Variants in SMAP1 observed in about 807,000 individuals in gnomAD.
The protein encoded by SMAP1 is small ArfGAP 1.
A neutral mutation model predicts 58.5 loss-of-function variants in SMAP1; 24 were observed. That is an observed-to-expected ratio of 0.41 (90% CI 0.30 to 0.58). SMAP1 has a LOEUF of 0.58. Ranked by LOEUF, SMAP1 falls within the 20% of genes least tolerant of loss-of-function variation. SMAP1 has a pLI of 0.29. For synonymous variants in SMAP1, 216 were observed against 196.6 expected, an observed-to-expected ratio of 1.10 and a Z score of -0.82; for missense variants, 563 against 566.3, an observed-to-expected ratio of 0.99 and a Z score of 0.06.
chr6:70,708,521 A>G (rs1489793299), intron 1 of SMAP1, among the ~76,000 whole-genome samples: 2 of 152,112 alleles, frequency 1.3e-5, no homozygotes, highest in African/African-American at 4.8e-5. Context: ...TTTATTTTTA[A>G]ATTTTTGAAG....
chr6:70,791,003 C>T (rs557412099), intron 4 of SMAP1, among the ~76,000 whole-genome samples: 3 of 152,202 alleles, frequency 2.0e-5, no homozygotes, highest in Admixed American at 1.3e-4. Context: ...AACCCATTTT[C>T]GTGTGTAAAT....
At chr6:70,685,924 A>G (rs769111843) in intron 1 of SMAP1, among the ~76,000 whole-genome samples, 3 of 151,880 alleles carry the variant, frequency 2.0e-5, no homozygotes, top group Middle Eastern at 3.2e-3. Flanking sequence ...TTATTTTTTT[A>G]ACACAGAACC....
At chr6:70,783,481 G>A (rs1395816730) in intron 4 of SMAP1, among the ~76,000 whole-genome samples, 3 of 152,176 alleles carry the variant, frequency 2.0e-5, no homozygotes, top group African/African-American at 7.2e-5. Flanking sequence ...AGAGAAGAAG[G>A]CTTCAGACGA....
intron 4 of SMAP1, 39 bp downstream of exon 4, chr6:70,773,464 C>A: frequency 8.0e-7 from 1 of 1,246,020 alleles, no homozygotes; most frequent in Non-Finnish European, 1.1e-6. Context: ...TGTTTGTTGA[C>A]TAGATTTCAA....
At chr6:70,676,224 A>G (rs558691399) in intron 1 of SMAP1, among the ~76,000 whole-genome samples, 1 of 152,318 alleles carries the variant, frequency 6.6e-6, no homozygotes, top group Admixed American at 6.5e-5. Context: ...CTGTATATTG[A>G]ATCTTTTGAA....
At chr6:70,767,276 C>A (rs554601917) in intron 3 of SMAP1, among the ~76,000 whole-genome samples, 1 of 151,454 alleles carries the variant, frequency 6.6e-6, no homozygotes, top group South Asian at 2.1e-4. Flanking sequence ...TTTTCCAATT[C>A]TGTGAAGAAA....
intron 6 of SMAP1, among the ~76,000 whole-genome samples, chr6:70,800,106 G>A (rs1201834229): frequency 2.0e-5 from 3 of 151,708 alleles, no homozygotes; most frequent in African/African-American, 7.3e-5. Context: ...TGAAAATAAG[G>A]CACGTGTTTT....
intron 3 of SMAP1, among the ~76,000 whole-genome samples, chr6:70,766,862 G>A (rs563076869): frequency 4.3e-4 from 65 of 152,216 alleles, no homozygotes; most frequent in African/African-American, 1.5e-3. Context: ...TTTTCTTCCA[G>A]GGCTTTTATG....
intron 6 of SMAP1, among the ~76,000 whole-genome samples, chr6:70,820,622 C>G (rs1050710446): frequency 1.3e-5 from 2 of 151,956 alleles, no homozygotes; most frequent in South Asian, 4.2e-4. Context: ...AGGGGAATTG[C>G]TGGAACCCAG....
rs371916975 is a variant in SMAP1 at position 70,852,583 on chromosome 6, G to A, written c.708G>A (p.Val236=). The A allele has an allele frequency of 3.1e-6, 5 of 1,609,822 alleles. No homozygotes were observed. The East Asian group carries it at 1.1e-4, about 36-fold the overall frequency. The change falls in exon 8 of 11, where the codon GTG becomes GTA. Residue 236 remains valine, a synonymous_variant. Coordinates refer to ENST00000370455, the MANE Select transcript of SMAP1 (RefSeq NM_001044305.3). ...VAPVTNGNTT[V]PPLNDDLDIF... Reference sequence around the variant, plus strand: ...CAGTGACCAACGGGAACACAACGGTGCCACCCCTGAACGATGATCTGGACA... The same window carrying A: ...CAGTGACCAACGGGAACACAACGGTACCACCCCTGAACGATGATCTGGACA...
At chr6:70,682,669 T>C (rs1277878045) in intron 1 of SMAP1, among the ~76,000 whole-genome samples, 1 of 152,100 alleles carries the variant, frequency 6.6e-6, no homozygotes, top group Non-Finnish European at 1.5e-5. Context: ...TGTTAAAGAG[T>C]ATACCAGATT....
At chr6:70,689,350 A>C (rs1767062339) in intron 1 of SMAP1, among the ~76,000 whole-genome samples, 1 of 152,134 alleles carries the variant, frequency 6.6e-6, no homozygotes, top group Non-Finnish European at 1.5e-5. Flanking sequence ...CTCCTTTTGC[A>C]CCTTTTTAAA....
chr6:70,820,785 C>T, intron 6 of SMAP1, among the ~76,000 whole-genome samples: 1 of 151,690 alleles, frequency 6.6e-6, no homozygotes, highest in Admixed American at 6.6e-5. Flanking sequence ...GACAGTCTAG[C>T]AGATTTTTTT....
intron 1 of SMAP1, among the ~76,000 whole-genome samples, chr6:70,699,538 A>G (rs1767541809): frequency 6.6e-6 from 1 of 151,138 alleles, no homozygotes; most frequent in Non-Finnish European, 1.5e-5. Context: ...CCTGAGAACC[A>G]GGGCTTGGAG....
intron 3 of SMAP1, among the ~76,000 whole-genome samples, chr6:70,766,928 GT>G (rs1237469525): frequency 6.6e-6 from 1 of 152,036 alleles, no homozygotes; most frequent in African/African-American, 2.4e-5. Context: ...TTTGTATAAG[GT>G]GTAAGGAAGG....
At chr6:70,820,690 G>A (rs1262352495) in intron 6 of SMAP1, among the ~76,000 whole-genome samples, 1 of 150,932 alleles carries the variant, frequency 6.6e-6, no homozygotes, top group Non-Finnish European at 1.5e-5. Context: ...TGGGCTAAGA[G>A]TGAGACTCCA....
intron 6 of SMAP1, among the ~76,000 whole-genome samples, chr6:70,818,107 T>G (rs1769720543): frequency 6.6e-6 from 1 of 151,988 alleles, no homozygotes; most frequent in Non-Finnish European, 1.5e-5. Context: ...AATTTTAGAG[T>G]TTCTGGAGTG....
intron 7 of SMAP1, among the ~76,000 whole-genome samples, chr6:70,845,164 T>C (rs574807188): frequency 5.6e-4 from 85 of 152,292 alleles, no homozygotes; most frequent in East Asian, 2.5e-3. Context: ...TAAAATCTCA[T>C]GTTGCTCTTT....
At chr6:70,669,432 A>T (rs1766172897) in intron 1 of SMAP1, among the ~76,000 whole-genome samples, 1 of 152,240 alleles carries the variant, frequency 6.6e-6, no homozygotes, top group Non-Finnish European at 1.5e-5. Context: ...GGAATACTGT[A>T]ACTAGATTAT....
Sources: allele counts gnomAD v4.1 joint callset (sites outside exome capture counted in the v4.1 genomes callset), GRCh38; gene constraint gnomAD v4.1.1; transcripts MANE v1.5; gene names NCBI Gene and HGNC (gene_info 2026-07-23, HGNC 2026-07-21).